Variants in NHSL2 observed in about 807,000 individuals in gnomAD.
NHSL2 encodes the protein NHS-like protein 2.
Under a neutral mutation model 53.4 loss-of-function variants are expected in NHSL2, and 27 were observed. The observed-to-expected ratio is 0.51, with a 90% CI of 0.37 to 0.70. The LOEUF is 0.70. NHSL2 is among the 30% of genes least tolerant of loss of function. The pLI is 0.00. For missense variants in NHSL2, 892 were observed against 980.1 expected (o/e 0.91, Z 1.20); for synonymous variants, 408 against 404.1 (o/e 1.01, Z -0.12).
chrX:72,097,917 C>T (rs2041956210), intron 1 of NHSL2, among the ~76,000 whole-genome samples: 1 of 112,426 alleles, frequency 8.9e-6, no homozygotes, highest in South Asian at 3.6e-4. Context: ...CCTGCCTCCA[C>T]CCACCCTTGA....
intron 1 of NHSL2, among the ~76,000 whole-genome samples, chrX:72,099,400 C>G (rs1187933925): frequency 1.1e-5 from 1 of 90,383 alleles, no homozygotes; most frequent in Non-Finnish European, 2.1e-5. Flanking sequence ...GAGTCTCACT[C>G]TGTCACCCAG....
chrX:72,034,372 A>G (rs1279624221), intron 1 of NHSL2, among the ~76,000 whole-genome samples: 1 of 112,013 alleles, frequency 8.9e-6, no homozygotes, highest in East Asian at 2.8e-4. Context: ...TTCATGAACT[A>G]TATTGGCCTG....
chrX:71,981,243 G>T (rs1351271572), intron 1 of NHSL2, among the ~76,000 whole-genome samples: 1 of 112,662 alleles, frequency 8.9e-6, no homozygotes, highest in Non-Finnish European at 1.9e-5. Flanking sequence ...CCCAAAGAAT[G>T]GACAAAAGTT....
intron 1 of NHSL2, among the ~76,000 whole-genome samples, chrX:71,996,690 G>C (rs1324891352): frequency 8.9e-6 from 1 of 112,496 alleles, no homozygotes; most frequent in East Asian, 2.8e-4. Context: ...GCTGCCCAAG[G>C]TCCCATGCAG....
chrX:72,072,944 T>G (rs1001448463), intron 1 of NHSL2, among the ~76,000 whole-genome samples: 7 of 111,772 alleles, frequency 6.3e-5, no homozygotes, highest in Middle Eastern at 9.3e-3. Context: ...ACCTGCAGGG[T>G]GATCTTAGGC....
At chrX:72,004,398 G>GCT in intron 1 of NHSL2, among the ~76,000 whole-genome samples, 1 of 112,008 alleles carries the variant, frequency 8.9e-6, no homozygotes, top group South Asian at 3.7e-4. Context: ...CTAGGGGACA[G>GCT]GCAGTGACCA....
At chrX:72,131,506 C>A in intron 1 of NHSL2, 1 of 1,197,111 alleles carries the variant, frequency 8.4e-7, no homozygotes, top group South Asian at 1.9e-5. Context: ...ATTCGCCATG[C>A]GGAGGCTGTT....
intron 1 of NHSL2, among the ~76,000 whole-genome samples, chrX:72,103,769 A>T (rs913633708): frequency 2.7e-5 from 3 of 112,331 alleles, no homozygotes; most frequent in African/African-American, 9.7e-5. Context: ...GCCAGAGAAG[A>T]TACCCTCCCA....
Position 72,143,740 on chromosome X carries a change from A to T in NHSL2, c.*166A>T. 1 of 397,717 alleles carries T rather than the reference A, an allele frequency of 2.5e-6. No homozygotes were observed. Among genetic ancestry groups the T allele is most frequent in the Non-Finnish European group, 4.4e-6 (1 of 227,713 alleles). 32.8% of individuals were successfully genotyped at this position (397,717 alleles called of 1,213,427 possible). ...GGCTACTTCATCTAGAGCTAAAATCATCTGGCACTTAATCATCTTCAGACA... is the reference window on the plus strand; with the variant it reads ...GGCTACTTCATCTAGAGCTAAAATCTTCTGGCACTTAATCATCTTCAGACA... On this transcript the variant is annotated 3_prime_UTR_variant, in exon 8 of 8. Transcript: ENST00000633930.
At chrX:72,039,125 TCCTTTCCTTTCCTTTCCTTTCCTTC>T (rs1425955639) in intron 1 of NHSL2, among the ~76,000 whole-genome samples, 8 of 100,134 alleles carry the variant, frequency 8.0e-5, no homozygotes, top group African/African-American at 3.1e-4. Flanking sequence ...TCCTTTCCTT[TCCTTTCCTTTCCTTTCCTTTCCTTC>T]CTTGTCTCTC....
At position 72,094,716 on chromosome X, in the gene NHSL2, T is replaced by C. The variant is rs189705140; in HGVS notation, c.281-37363T>C. Among the ~76,000 whole-genome samples, 289 of 111,361 alleles carry C rather than the reference T, an allele frequency of 2.6e-3. 1 individual carries two copies. Among genetic ancestry groups the C allele is most frequent in the Admixed American group, 5.8e-3 (61 of 10,456 alleles). ...AGGATCTATTGCTTGAGTAACCTTA[T>C]GATTCTCGACTTCCAGGCCCAAGAG... On this transcript the variant is annotated intron_variant, in intron 1 of 7. Transcript: ENST00000633930.
rs761316551 is a variant in NHSL2 at position 72,091,598 on chromosome X, G to A, written c.281-40481G>A. 3.6e-5 allele frequency among the ~76,000 whole-genome samples: 4 copies of A among 111,862 alleles called. No homozygotes were observed. In the South Asian group the frequency reaches 1.5e-3, roughly 42 times the overall value. On this transcript the variant is annotated intron_variant, in intron 1 of 7. Coordinates refer to ENST00000633930, the MANE Select transcript of NHSL2 (RefSeq NM_001013627.3). ...ACAGCATGTGATAAGCCTTTTAAAT[G>A]TGTGCTTGGAGAGCAGGATGAGAAC... is the stretch of plus-strand genomic sequence containing the variant.
Position 72,085,364 on chromosome X carries a change from A to C in NHSL2, c.281-46715A>C, listed in dbSNP as rs1366692973. Reference sequence around the variant, plus strand: ...AGTAGGTTTTTACCTTTATTTTCTTAACCTGCCCGGTATGCTTTCAGAAAT... The same window carrying C: ...AGTAGGTTTTTACCTTTATTTTCTTCACCTGCCCGGTATGCTTTCAGAAAT... On this transcript the variant is annotated intron_variant, in intron 1 of 7. Transcript: ENST00000633930. Among the ~76,000 whole-genome samples, 4 of 112,748 alleles carry C rather than the reference A, an allele frequency of 3.5e-5. No homozygotes were observed. The East Asian group carries it at 1.1e-3, about 31-fold the overall frequency.
chrX:71,921,712 A>G (rs748366792), intron 1 of NHSL2, among the ~76,000 whole-genome samples: 2 of 111,695 alleles, frequency 1.8e-5, no homozygotes, highest in Non-Finnish European at 3.8e-5. Context: ...CGACTCCACT[A>G]TGCACGAGTT....
rs2042522112 is a variant in NHSL2, at chrX:72,152,357, G to GCGCA, written c.*8784_*8785insGCAC. ...TACATGCGTGTGTGCATGCGCGCGC[G>GCGCA]CACACACACACACACACACACACAC... On this transcript the variant is annotated 3_prime_UTR_variant, in exon 8 of 8. Coordinates refer to ENST00000633930, the MANE Select transcript of NHSL2 (RefSeq NM_001013627.3). The GCGCA allele has an allele frequency of 1.1e-4, 1 of 9,505 alleles. No individual in the cohort carries two copies. Among genetic ancestry groups the GCGCA allele is most frequent in the African/African-American group, 1.2e-4 (1 of 8,471 alleles). 0.8% of individuals were successfully genotyped at this position (9,505 alleles called of 1,213,427 possible). A position where few individuals can be genotyped will look rare whatever the true frequency, so the allele number is the denominator to read the frequency against.
chrX:72,079,835 C>T (rs1337686336), intron 1 of NHSL2: 1 of 112,819 alleles, frequency 8.9e-6, no homozygotes, highest in Non-Finnish European at 1.9e-5. Context: ...GGCTCTGACT[C>T]GGGCCTTTGG....
chrX:71,915,734 C>T lies in NHSL2; in HGVS notation c.280+4367C>T, dbSNP rs190745465. ...CAGGTCAGTGACAGGAGGCCTCCAC[C>T]TAGAAGCCATGCCTTCTGACAACCA... On this transcript the variant is annotated intron_variant, in intron 1 of 7. Transcript: ENST00000633930. Among the ~76,000 whole-genome samples the T allele has an allele frequency of 2.4e-3, 265 of 111,927 alleles. 1 individual carries two copies. The highest frequency in any genetic ancestry group is 4.1e-3 in the Admixed American group (43 of 10,581).
intron 1 of NHSL2, among the ~76,000 whole-genome samples, chrX:72,103,700 T>C (rs1272673351): frequency 8.9e-6 from 1 of 112,213 alleles, no homozygotes; most frequent in Non-Finnish European, 1.9e-5. Flanking sequence ...TAATCTTGGT[T>C]GGGCCATCAG....
chrX:72,048,526 C>T (rs1312828069), intron 1 of NHSL2, among the ~76,000 whole-genome samples: 2 of 110,027 alleles, frequency 1.8e-5, no homozygotes, highest in Non-Finnish European at 3.8e-5. Flanking sequence ...CATAATGCCA[C>T]TGGGGTCCTG....
Sources: allele counts gnomAD v4.1 joint callset (sites outside exome capture counted in the v4.1 genomes callset), GRCh38; gene constraint gnomAD v4.1.1; transcripts MANE v1.5; gene names NCBI Gene and HGNC (gene_info 2026-07-23, HGNC 2026-07-21).